Variants in SBNO1 observed in about 807,000 individuals in gnomAD.
SBNO1 encodes strawberry notch homolog 1.
A neutral mutation model predicts 173.6 loss-of-function variants in SBNO1; 23 were observed. That is an observed-to-expected ratio of 0.13 (90% CI 0.10 to 0.19). The LOEUF is 0.19. SBNO1 is among the 10% of genes least tolerant of loss of function. SBNO1 has a pLI of 1.00. For missense variants in SBNO1, 1,238 were observed against 1,671.2 expected, an observed-to-expected ratio of 0.74 and a Z score of 4.52; for synonymous variants, 632 against 571.5, an observed-to-expected ratio of 1.11 and a Z score of -1.51.
chr12:123,307,852 A>G (rs772621366), intron 28 of SBNO1, among the ~76,000 whole-genome samples: 45 of 152,178 alleles, frequency 3.0e-4, no homozygotes, highest in Non-Finnish European at 5.7e-4. Flanking sequence ...CAGGCGGATC[A>G]CCTGAGGTCA....
chr12:123,322,687 C>T (rs964116507), intron 16 of SBNO1, among the ~76,000 whole-genome samples: 8 of 151,442 alleles, frequency 5.3e-5, no homozygotes, highest in Admixed American at 5.3e-4. Context: ...GGGTGCATTG[C>T]TTAAGCTCAG....
chr12:123,346,460 C>T (rs1357817154), intron 3 of SBNO1, among the ~76,000 whole-genome samples: 1 of 151,216 alleles, frequency 6.6e-6, no homozygotes, highest in Admixed American at 6.6e-5. Context: ...GTCAGGAGAT[C>T]GAGACCATCC....
At chr12:123,297,899 A>C in intron 31 of SBNO1, 79 bp downstream of exon 31, 1 of 1,302,066 alleles carries the variant, frequency 7.7e-7, no homozygotes, top group Non-Finnish European at 1.1e-6. Context: ...TGTGGAATAA[A>C]GCTAAGATAT....
At chr12:123,315,812 T>A (rs1378866115) in intron 21 of SBNO1, 152 bp from the exon 22 acceptor site, 1 of 586,584 alleles carries the variant, frequency 1.7e-6, no homozygotes, top group Admixed American at 3.1e-5. Context: ...ATAACACACA[T>A]AAAACTGCTC....
intron 9 of SBNO1, among the ~76,000 whole-genome samples, chr12:123,329,608 C>A (rs1178749557): frequency 6.6e-6 from 1 of 151,802 alleles, no homozygotes; most frequent in Non-Finnish European, 1.5e-5. Context: ...AAAAAAAATT[C>A]TAGATGCCAC....
chr12:123,298,621 T>G (rs547711161), intron 30 of SBNO1, among the ~76,000 whole-genome samples: 2 of 152,342 alleles, frequency 1.3e-5, no homozygotes, highest in East Asian at 3.9e-4. Context: ...ATAATTCTGT[T>G]GGCCCATTGG....
chr12:123,362,365 G>A (rs1181954132), intron 1 of SBNO1, among the ~76,000 whole-genome samples: 1 of 147,524 alleles, frequency 6.8e-6, no homozygotes, highest in African/African-American at 2.5e-5. Context: ...GAACCCGGGA[G>A]GCGGAGCTTG....
In SBNO1 at chr12:123,334,103, T is replaced by C. The variant is rs1312394537; in HGVS notation, c.859A>G (p.Asn287Asp). 1 of 1,605,004 alleles carries C rather than the reference T, an allele frequency of 6.2e-7. No homozygotes were observed. The highest frequency in any genetic ancestry group is 8.5e-7 in the Non-Finnish European group (1 of 1,176,574). The change falls in exon 7 of 32, where the codon AAT becomes GAT. Residue 287 changes from asparagine (N) to aspartate (D), a missense_variant. This residue lies in a region of SBNO1 where 78 missense variants were observed against 103.3 expected (regional missense o/e 0.76). Transcript: ENST00000602398. The stretch of plus-strand genomic sequence containing the variant: ...AGCTGCAATGCTGATAACCAGCCAT[T>C]ATCAATGGTTTCCTCAGAAATGGAT... ...KTSISEETID[N>D]GWLSALQLEA...
chr12:123,342,255 AAATT>A (rs546186892), intron 4 of SBNO1, among the ~76,000 whole-genome samples: 96 of 151,914 alleles, frequency 6.3e-4, no homozygotes, highest in African/African-American at 2.0e-3. Context: ...TGTCTCAAAA[AAATT>A]AATTAATTAA....
chr12:123,297,871 GAA>G, intron 31 of SBNO1, 105 bp downstream of exon 31: 1 of 985,378 alleles, frequency 1.0e-6, no homozygotes, highest in South Asian at 1.5e-5. Context: ...CCCACTACTG[GAA>G]GAGATGTTAG....
intron 4 of SBNO1, among the ~76,000 whole-genome samples, chr12:123,342,216 C>T (rs1296759421): frequency 6.6e-6 from 1 of 151,858 alleles, no homozygotes; most frequent in Non-Finnish European, 1.5e-5. Context: ...CATCATTGAA[C>T]TCCAGCCTGG....
chr12:123,336,555 GAA>G (rs1236974952), intron 5 of SBNO1, 64 bp from the exon 6 acceptor site: 1 of 995,728 alleles, frequency 1.0e-6, no homozygotes, highest in Admixed American at 2.5e-5. Flanking sequence ...CCAACACACA[GAA>G]AAACTCTCTT....
chr12:123,354,308 G>C (rs1336767717), intron 1 of SBNO1, among the ~76,000 whole-genome samples: 1 of 152,030 alleles, frequency 6.6e-6, no homozygotes, highest in African/African-American at 2.4e-5. Flanking sequence ...AACAATTTAA[G>C]ACCCTCTAAT....
Position 123,298,164 on chromosome 12 carries a change from T to C in SBNO1, c.3853A>G (p.Asn1285Asp). 6.2e-7 allele frequency: 1 copy of C among 1,611,832 alleles called. No homozygotes were observed. Among genetic ancestry groups the C allele is most frequent in the Non-Finnish European group, 8.5e-7 (1 of 1,179,510 alleles). Residue 1285 changes from asparagine (N) to aspartate (D), a missense_variant, in exon 31 of 32, where the codon AAT becomes GAT. By Grantham distance (23) the Asn-to-Asp change is conservative (BLOSUM62 1). Around this residue, in one of 14 missense-constraint regions of SBNO1, gnomAD observed 351 missense variants for 420.3 expected, o/e 0.84. Coordinates refer to ENST00000602398, the MANE Select transcript of SBNO1 (RefSeq NM_001167856.3). The stretch of plus-strand genomic sequence containing the variant: ...AGCCCCAAGCTTGCTTTTTTGCAAT[T>C]GCCGCGCCTAAGAAAAATGGGAAAG... The part of the protein sequence containing the change: ...DTCTHAYWRG[N>D]CKKASLGLVC...
intron 30 of SBNO1, among the ~76,000 whole-genome samples, chr12:123,298,408 T>C (rs2048675225): frequency 6.6e-6 from 1 of 151,908 alleles, no homozygotes; most frequent in African/African-American, 2.4e-5. Context: ...CTGGGACTTT[T>C]TTTTGTTGTT....
At chr12:123,323,952 A>C in intron 15 of SBNO1, 121 bp from the exon 16 acceptor site, 1 of 728,754 alleles carries the variant, frequency 1.4e-6, no homozygotes, top group Non-Finnish European at 2.0e-6. Flanking sequence ...AAACGAGCTC[A>C]AATAAATTTT....
At chr12:123,298,900 T>G (rs1283666653) in intron 30 of SBNO1, among the ~76,000 whole-genome samples, 1 of 152,100 alleles carries the variant, frequency 6.6e-6, no homozygotes. Flanking sequence ...GACCAGCCTG[T>G]GCAACATGGC....
rs1420554438 is a variant in SBNO1 at position 123,348,139 on chromosome 12, G to A, written c.133-6C>T. 1.1e-5 allele frequency: 17 copies of A among 1,525,060 alleles called. No individual in the cohort carries two copies. The highest frequency in any genetic ancestry group is 1.5e-5 in the African/African-American group (1 of 65,778). The allele number at this position is 1,525,060 out of a possible 1,614,324, so 94.5% of individuals were successfully genotyped here. A position where few individuals can be genotyped will look rare whatever the true frequency, so the allele number is the denominator to read the frequency against. ...AATGCACTAAGTGGCACTGACTGGA[G>A]AGAAAACAACATCAGACAAAAAATA... On this transcript the variant is annotated splice_polypyrimidine_tract_variant and splice_region_variant and intron_variant, in intron 2 of 31. Transcript: ENST00000602398.
chr12:123,321,085 A>G (rs1255901929), intron 17 of SBNO1, among the ~76,000 whole-genome samples: 1 of 152,086 alleles, frequency 6.6e-6, no homozygotes, highest in African/African-American at 2.4e-5. Flanking sequence ...GATTACAGGT[A>G]TGTGCCACCA....
Sources: gnomAD v4.1 joint callset for allele counts (sites outside exome capture counted in the v4.1 genomes callset) on GRCh38, gnomAD v4.1.1 for gene constraint, gnomAD v4.1.1 regional missense constraint, MANE v1.5 for transcripts, NCBI Gene and HGNC (gene_info 2026-07-23, HGNC 2026-07-21) for gene names.